Variants in SYN2 observed in about 807,000 individuals in gnomAD.
SYN2 encodes synapsin-2.
Under a neutral mutation model 50.9 loss-of-function variants are expected in SYN2, and 19 were observed. The ratio of observed to expected loss-of-function variants is 0.37; its 90% CI spans 0.26 to 0.55. The LOEUF is 0.55. Ranked by LOEUF, SYN2 falls within the 20% of genes least tolerant of loss-of-function variation. The pLI, the probability that SYN2 is intolerant of heterozygous loss-of-function variation, is 0.81. For synonymous variants in SYN2, 255 were observed against 224.9 expected (o/e 1.13, Z -1.20); for missense variants, 587 against 576.4 (o/e 1.02, Z -0.19).
chr3:12,143,935 A>G (rs1405200923), intron 3 of SYN2, among the ~76,000 whole-genome samples: 1 of 152,342 alleles, frequency 6.6e-6, no homozygotes, highest in South Asian at 2.1e-4. Context: ...TCGAGTGGCC[A>G]AGGAAGGCTC....
At chr3:12,141,302 T>C (rs1697013057) in intron 2 of SYN2, among the ~76,000 whole-genome samples, 1 of 152,158 alleles carries the variant, frequency 6.6e-6, no homozygotes, top group Non-Finnish European at 1.5e-5. Flanking sequence ...AATGCATGTA[T>C]TTCCTATGTG....
Position 12,021,496 on chromosome 3 carries a change from T to A in SYN2, c.377+16568T>A, listed in dbSNP as rs1694133406. Among the ~76,000 whole-genome samples, 4 of 152,224 alleles carry A rather than the reference T, an allele frequency of 2.6e-5. No homozygotes were observed. The South Asian group carries it at 8.3e-4, about 32-fold the overall frequency. On this transcript the variant is annotated intron_variant, in intron 1 of 12. Coordinates refer to ENST00000621198, the MANE Select transcript of SYN2 (RefSeq NM_133625.6). ...TGTTTGTTTAAAAATATGTGAAATG[T>A]CATGCTACTTTGGAGGCTGAGGTGG...
intron 1 of SYN2, among the ~76,000 whole-genome samples, chr3:12,105,935 A>T (rs1696178407): frequency 6.6e-6 from 1 of 152,190 alleles, no homozygotes; most frequent in African/African-American, 2.4e-5. Flanking sequence ...ATTGCTACAT[A>T]ACAACACCTA....
chr3:12,174,052 G>T (rs1049137947), intron 10 of SYN2, among the ~76,000 whole-genome samples: 1 of 151,388 alleles, frequency 6.6e-6, no homozygotes, highest in African/African-American at 2.4e-5. Flanking sequence ...CCCGCCCATC[G>T]CTTGGTTTTC....
intron 4 of SYN2, among the ~76,000 whole-genome samples, chr3:12,147,652 CAG>C (rs1276165240): frequency 6.6e-6 from 1 of 152,176 alleles, no homozygotes; most frequent in East Asian, 1.9e-4. Context: ...CCTAGCCACA[CAG>C]GGTGATCCTG....
Position 12,161,993 on chromosome 3 carries a change from T to C in SYN2, c.838-19T>C, listed in dbSNP as rs766912313. 9.3e-6 allele frequency: 15 copies of C among 1,613,682 alleles called. No homozygotes were observed. Among genetic ancestry groups the C allele is most frequent in the Non-Finnish European group, 1.3e-5 (15 of 1,179,788 alleles). ...GTGTGTGTCTCCCTTTCCCCCTTTC[T>C]GCCCTGCTCTAACATTAGGTCAAAG... On this transcript the variant is annotated intron_variant, in intron 6 of 12. Transcript: ENST00000621198.
intron 8 of SYN2, 35 bp from the exon 9 acceptor site, chr3:12,168,341 G>A (rs1697852193): frequency 1.3e-6 from 2 of 1,580,804 alleles, no homozygotes; most frequent in Non-Finnish European, 1.7e-6. Context: ...TGAGCGAATT[G>A]CCCCAGCTTC....
chr3:12,010,001 AG>A (rs1189043559), intron 1 of SYN2, among the ~76,000 whole-genome samples: 3 of 152,322 alleles, frequency 2.0e-5, no homozygotes, highest in Non-Finnish European at 4.4e-5. Flanking sequence ...AGACTGAGGC[AG>A]GAGAATTTCT....
At chr3:12,024,149 C>CTTTTTTTT (rs35513783) in intron 1 of SYN2, among the ~76,000 whole-genome samples, 2 of 68,302 alleles carry the variant, frequency 2.9e-5, no homozygotes, top group African/African-American at 6.1e-5. Context: ...TCATTACTTC[C>CTTTTTTTT]TTTTTTTTTT....
rs761301896 is a variant in SYN2 at position 12,190,889 on chromosome 3, A to G, written c.*264A>G. On this transcript the variant is annotated 3_prime_UTR_variant, in exon 13 of 13. Coordinates refer to ENST00000621198, the MANE Select transcript of SYN2 (RefSeq NM_133625.6). ...GTCATGAGAGCTTCCTTCTGAAGTCATCGTTCGCTGTGAGTTTAGTGGCCT... is the reference window on the plus strand; with the variant it reads ...GTCATGAGAGCTTCCTTCTGAAGTCGTCGTTCGCTGTGAGTTTAGTGGCCT... 10 of 1,213,794 alleles carry G rather than the reference A, an allele frequency of 8.2e-6. No homozygotes were observed. The African/African-American group carries it at 1.1e-4, about 14-fold the overall frequency. The allele number at this position is 1,213,794 out of a possible 1,614,324, so 75.2% of individuals were successfully genotyped here. A position where few individuals can be genotyped will look rare whatever the true frequency, so the allele number is the denominator to read the frequency against.
intron 2 of SYN2, among the ~76,000 whole-genome samples, chr3:12,141,369 T>C (rs1450992231): frequency 6.6e-6 from 1 of 152,224 alleles, no homozygotes; most frequent in Non-Finnish European, 1.5e-5. Flanking sequence ...CTGACTGTTT[T>C]CAAACAACTT....
intron 5 of SYN2, among the ~76,000 whole-genome samples, chr3:12,154,750 C>CTT (rs906596782): frequency 1.3e-5 from 2 of 152,152 alleles, no homozygotes. Context: ...ATCCCCCTTT[C>CTT]TTTTCTGTCA....
chr3:12,153,896 A>G (rs1184457720), intron 5 of SYN2, among the ~76,000 whole-genome samples: 2 of 151,962 alleles, frequency 1.3e-5, no homozygotes, highest in Non-Finnish European at 2.9e-5. Flanking sequence ...CAATATTGCC[A>G]CTTAGTGGCA....
At chr3:12,062,570 C>T (rs777857666) in intron 1 of SYN2, among the ~76,000 whole-genome samples, 3 of 151,838 alleles carry the variant, frequency 2.0e-5, no homozygotes, top group Non-Finnish European at 4.4e-5. Context: ...GAAAGACAAG[C>T]CACAGACTGG....
chr3:12,051,919 A>G (rs1252842311), intron 1 of SYN2, among the ~76,000 whole-genome samples: 1 of 152,194 alleles, frequency 6.6e-6, no homozygotes, highest in African/African-American at 2.4e-5. Flanking sequence ...AAATCTTACT[A>G]AATTCACCGT....
intron 10 of SYN2, 87 bp downstream of exon 10, chr3:12,169,993 A>G: frequency 6.9e-7 from 1 of 1,457,328 alleles, no homozygotes; most frequent in Non-Finnish European, 9.1e-7. Flanking sequence ...AATGGAGTAC[A>G]GGCCAGATGC....
At chr3:12,054,666 CT>C (rs34636626) in intron 1 of SYN2, among the ~76,000 whole-genome samples, 105 of 141,182 alleles carry the variant, frequency 7.4e-4, no homozygotes, top group East Asian at 1.2e-3. Flanking sequence ...CATCCTGGGA[CT>C]TTTTTTTTTT....
chr3:12,117,345 C>T (rs188925349), intron 1 of SYN2, among the ~76,000 whole-genome samples: 4 of 152,262 alleles, frequency 2.6e-5, no homozygotes, highest in East Asian at 3.9e-4. Context: ...TCAGCATTTA[C>T]GTTTTGAGTG....
At chr3:12,143,786 C>T (rs1197299800) in intron 3 of SYN2, among the ~76,000 whole-genome samples, 1 of 152,040 alleles carries the variant, frequency 6.6e-6, no homozygotes, top group Non-Finnish European at 1.5e-5. Context: ...GATTTATTTT[C>T]CTTTGAGTAG....
Sources: allele counts gnomAD v4.1 joint callset (sites outside exome capture counted in the v4.1 genomes callset), GRCh38; gene constraint gnomAD v4.1.1; transcripts MANE v1.5; gene names NCBI Gene and HGNC (gene_info 2026-07-23, HGNC 2026-07-21).